Variants in LARS1 observed in about 807,000 individuals in gnomAD.
The protein encoded by LARS1 is leucine--tRNA ligase, cytoplasmic.
A neutral mutation model predicts 162.8 loss-of-function variants in LARS1; 100 were observed. The ratio of observed to expected loss-of-function variants is 0.61; its 90% confidence interval spans 0.52 to 0.73. The LOEUF (loss-of-function observed/expected upper bound fraction) is 0.73, where lower values mean the gene tolerates loss of function less well. Among genes scored for constraint, LARS1 ranks in the 30% least tolerant of loss-of-function variants. The pLI, the probability that LARS1 is intolerant of heterozygous loss-of-function variation, is 0.00. For missense variants in LARS1, 1,258 were observed against 1,408.9 expected (o/e 0.89, Z 1.71); for synonymous variants, 457 against 462.8 (o/e 0.99, Z 0.16).
chr5:146,157,592 A>C lies in LARS1; in HGVS notation c.876T>G (p.Ala292=), dbSNP rs773028745. The change falls in exon 10 of 32, where the codon GCT becomes GCG. Residue 292 remains alanine, a synonymous_variant. Transcript: ENST00000394434. ...LKGKNIFLVA[A]TLRPETMFGQ... ...CAAACATGGTCTCAGGTCTGAGAGT[A>C]GCAGCCACCAAGAAAATATTTTTAC... 9.9e-6 allele frequency: 16 copies of C among 1,614,192 alleles called. No homozygotes were observed. The South Asian group carries it at 1.5e-4, about 16-fold the overall frequency.
chr5:146,118,386 G>T (rs1751665870), intron 31 of LARS1, among the ~76,000 whole-genome samples: 1 of 152,152 alleles, frequency 6.6e-6, no homozygotes, highest in Admixed American at 6.5e-5. Flanking sequence ...GGACTGGAAG[G>T]AGGTTGGTCA....
chr5:146,159,604 G>A (rs539848145), intron 7 of LARS1, 134 bp from the exon 8 acceptor site: 56 of 646,020 alleles, frequency 8.7e-5, no homozygotes, highest in Non-Finnish European at 1.4e-4. Context: ...TGTCTATTAT[G>A]TGTACTCTTA....
intron 29 of LARS1, among the ~76,000 whole-genome samples, chr5:146,123,267 T>C (rs1202882055): frequency 6.6e-6 from 1 of 151,998 alleles, no homozygotes; most frequent in Admixed American, 6.6e-5. Flanking sequence ...TTTTGAGTGC[T>C]CTAACAGTTT....
chr5:146,140,311 G>A (rs748625794), intron 20 of LARS1, 50 bp from the exon 21 acceptor site: 4 of 1,478,902 alleles, frequency 2.7e-6, no homozygotes, highest in African/African-American at 1.4e-5. Context: ...AAAGATGATA[G>A]TTCTGGCTTA....
At chr5:146,135,567 C>T (rs1178954749) in intron 22 of LARS1, 34 bp downstream of exon 22, 2 of 1,495,486 alleles carry the variant, frequency 1.3e-6, no homozygotes, top group South Asian at 1.2e-5. Flanking sequence ...GAACTGGACC[C>T]TACAGAACAG....
At chr5:146,122,751 AG>A (rs1751882597) in intron 29 of LARS1, among the ~76,000 whole-genome samples, 164 bp from the exon 30 acceptor site, 2 of 152,076 alleles carry the variant, frequency 1.3e-5, no homozygotes, top group East Asian at 3.8e-4. Context: ...ATCTGTAATC[AG>A]TTATTTAACA....
intron 4 of LARS1, among the ~76,000 whole-genome samples, chr5:146,170,265 G>A (rs1278994890): frequency 2.0e-5 from 3 of 152,084 alleles, no homozygotes; most frequent in Non-Finnish European, 4.4e-5. Flanking sequence ...TCAGGAGTTC[G>A]AGACCAGCCT....
chr5:146,132,709 A>G (rs1752336876), intron 23 of LARS1, 189 bp downstream of exon 23: 2 of 450,536 alleles, frequency 4.4e-6, no homozygotes, highest in Non-Finnish European at 7.7e-6. Flanking sequence ...CTTTGAGGTT[A>G]AAGTCAGATA....
chr5:146,140,609 C>G (rs1394693722), intron 20 of LARS1, among the ~76,000 whole-genome samples: 3 of 152,152 alleles, frequency 2.0e-5, no homozygotes, highest in African/African-American at 4.8e-5. Context: ...AGTTCAAGAC[C>G]AGCCTGGCCA....
chr5:146,151,282 C>A lies in LARS1; in HGVS notation c.1425+580G>T, dbSNP rs1207061331. ...AATGTAGGAAAGCTAAACTAAAAAA[C>A]ATTCTTGTTGATGTCCTTAAAAATC... On this transcript the variant is annotated intron_variant, in intron 14 of 31. Coordinates refer to ENST00000394434, the MANE Select transcript of LARS1 (RefSeq NM_020117.11). Among the ~76,000 whole-genome samples the A allele has an allele frequency of 2.6e-5, 4 of 152,088 alleles. No homozygotes were observed. In the South Asian group the frequency reaches 6.2e-4, roughly 24 times the overall value.
At chr5:146,177,037 A>C (rs368979748) in intron 2 of LARS1, among the ~76,000 whole-genome samples, 1 of 152,178 alleles carries the variant, frequency 6.6e-6, no homozygotes, top group Admixed American at 6.5e-5. Flanking sequence ...TACAAACCCC[A>C]TAAGAAAAAA....
At chr5:146,131,498 T>TGG (rs1561802993) in intron 23 of LARS1, 12 of 148,100 alleles carry the variant, frequency 8.1e-5, no homozygotes, top group African/African-American at 2.5e-4. Context: ...TTTTTTTTTT[T>TGG]TTTTTTTTTT....
At chr5:146,175,204 G>A (rs1349116018) in intron 2 of LARS1, among the ~76,000 whole-genome samples, 3 of 151,310 alleles carry the variant, frequency 2.0e-5, no homozygotes, top group African/African-American at 4.9e-5. Flanking sequence ...GGGTGACAGA[G>A]GCTCGCTCCA....
rs764623537 is a variant in LARS1 at position 146,153,251 on chromosome 5, C to T, written c.1231-24G>A. 1.7e-5 allele frequency: 26 copies of T among 1,515,610 alleles called. No homozygotes were observed. In the Admixed American group the frequency reaches 2.0e-4, roughly 12 times the overall value. 93.9% of individuals were successfully genotyped at this position (1,515,610 alleles called of 1,614,324 possible). A position where few individuals can be genotyped will look rare whatever the true frequency, so the allele number is the denominator to read the frequency against. On this transcript the variant is annotated intron_variant, in intron 12 of 31. Transcript: ENST00000394434. ...GCCTACAGAAAAATTTGCAAGTTAA[C>T]ACTAATGATCAACACTTTACTGGGA...
intron 30 of LARS1, among the ~76,000 whole-genome samples, chr5:146,121,119 T>A (rs1459055674): frequency 1.3e-5 from 2 of 152,182 alleles, no homozygotes; most frequent in Admixed American, 1.3e-4. Flanking sequence ...TTCATATACC[T>A]ATCTCCATGG....
chr5:146,125,991 C>A (rs1752025998), intron 28 of LARS1, among the ~76,000 whole-genome samples: 1 of 151,964 alleles, frequency 6.6e-6, no homozygotes, highest in African/African-American at 2.4e-5. Context: ...GAAAGTGCCC[C>A]ACAAGAACTA....
intron 8 of LARS1, 106 bp downstream of exon 8, chr5:146,159,301 A>T: frequency 1.3e-6 from 1 of 779,752 alleles, no homozygotes; most frequent in Non-Finnish European, 2.2e-6. Flanking sequence ...TATCAGGACT[A>T]CATCCCTCAG....
chr5:146,145,175 C>T (rs1182375780), intron 15 of LARS1, among the ~76,000 whole-genome samples: 2 of 152,090 alleles, frequency 1.3e-5, no homozygotes, highest in African/African-American at 4.8e-5. Flanking sequence ...CCTCCTGGCT[C>T]ATGTGACCCT....
At chr5:146,144,913 C>A (rs1752946712) in intron 15 of LARS1, among the ~76,000 whole-genome samples, 1 of 152,036 alleles carries the variant, frequency 6.6e-6, no homozygotes, top group South Asian at 2.1e-4. Flanking sequence ...CATGAATCTT[C>A]ATCAAGTGGA....
Sources: allele counts gnomAD v4.1 joint callset (sites outside exome capture counted in the v4.1 genomes callset), GRCh38; gene constraint gnomAD v4.1.1; transcripts MANE v1.5; gene names NCBI Gene and HGNC (gene_info 2026-07-23, HGNC 2026-07-21).